The following FUT9 variants were observed in gnomAD, a reference collection of about 807,000 sequenced individuals.
FUT9 encodes the protein 4-galactosyl-N-acetylglucosaminide 3-alpha-L-fucosyltransferase 9.
In FUT9, 15 loss-of-function variants were observed where a neutral mutation model predicts 29.7. The ratio of observed to expected loss-of-function variants is 0.51; its 90% CI spans 0.34 to 0.78. The LOEUF is 0.78. Ranked by LOEUF, FUT9 falls within the 30% of genes least tolerant of loss-of-function variation. The pLI is 0.01. For synonymous variants in FUT9, 169 were observed against 153.7 expected, an observed-to-expected ratio of 1.10 and a Z score of -0.74; for missense variants, 319 against 425.4, an observed-to-expected ratio of 0.75 and a Z score of 2.20.
chr6:96,127,634 T>G (rs1008542182), intron 2 of FUT9, among the ~76,000 whole-genome samples: 2 of 152,180 alleles, frequency 1.3e-5, no homozygotes, highest in African/African-American at 4.8e-5. Context: ...ATGGCTGAAC[T>G]AATTTACATT....
intron 2 of FUT9, among the ~76,000 whole-genome samples, chr6:96,190,574 A>G (rs1378000049): frequency 1.3e-5 from 2 of 152,132 alleles, no homozygotes; most frequent in Admixed American, 6.6e-5. Context: ...CTTTCCACAT[A>G]GTCCCATATT....
rs1166251576 is a variant in FUT9, at chr6:96,208,865, C to T, written c.*4630C>T. 6.1e-6 allele frequency: 1 copy of T among 164,472 alleles called. No homozygotes were observed. Among genetic ancestry groups the T allele is most frequent in the East Asian group, 2.0e-4 (1 of 5,032 alleles). The allele number at this position is 164,472 out of a possible 1,614,324, so 10.2% of individuals were successfully genotyped here. ...AGAAATATAGTCTCTCTCCTAACTT[C>T]ATTCCATTGTATTGCAATCAGTCAA... is the stretch of plus-strand genomic sequence containing the variant. On this transcript the variant is annotated 3_prime_UTR_variant, in exon 3 of 3. Coordinates refer to ENST00000302103, the MANE Select transcript of FUT9 (RefSeq NM_006581.4).
In FUT9 at chr6:96,203,633, C is replaced by T. The variant is rs527639500; in HGVS notation, c.478C>T (p.Arg160Cys). Residue 160 changes from arginine (R) to cysteine (C), a missense_variant, in exon 3 of 3, where the codon CGT (arginine) becomes TGT (cysteine). Transcript: ENST00000302103. ...HLFNLTLTYR[R>C]DSDIQVPYGF... Reference sequence around the variant, plus strand: ...GTTTAACCTGACTCTGACTTACCGCCGTGATTCAGATATCCAAGTGCCTTA... The same window carrying T: ...GTTTAACCTGACTCTGACTTACCGCTGTGATTCAGATATCCAAGTGCCTTA... 1.2e-6 allele frequency: 2 copies of T among 1,613,976 alleles called. No individual in the cohort carries two copies. Among genetic ancestry groups the T allele is most frequent in the South Asian group, 1.1e-5 (1 of 91,072 alleles).
At chr6:96,166,294 A>C (rs992218451) in intron 2 of FUT9, among the ~76,000 whole-genome samples, 31 of 152,224 alleles carry the variant, frequency 2.0e-4, no homozygotes, top group Non-Finnish European at 7.3e-5. Flanking sequence ...AGACCTGAGA[A>C]GCATAGTAAT....
intron 1 of FUT9, among the ~76,000 whole-genome samples, chr6:96,100,939 T>G (rs931581051): frequency 3.9e-5 from 6 of 152,168 alleles, no homozygotes; most frequent in Non-Finnish European, 5.9e-5. Context: ...AGTGTTTGAA[T>G]GAAAATGGAA....
intron 2 of FUT9, among the ~76,000 whole-genome samples, chr6:96,152,852 A>G (rs898859300): frequency 9.8e-5 from 15 of 152,362 alleles, no homozygotes; most frequent in South Asian, 4.1e-4. Flanking sequence ...AAATGCATAT[A>G]TATTCAAAGC....
intron 2 of FUT9, among the ~76,000 whole-genome samples, chr6:96,151,878 G>T (rs565998279): frequency 6.6e-6 from 1 of 152,120 alleles, no homozygotes; most frequent in Non-Finnish European, 1.5e-5. Flanking sequence ...ACCATAAAAC[G>T]ATTTCTCAAG....
At chr6:96,201,314 C>A (rs1456612723) in intron 2 of FUT9, among the ~76,000 whole-genome samples, 2 of 151,784 alleles carry the variant, frequency 1.3e-5, no homozygotes, top group Non-Finnish European at 1.5e-5. Context: ...AAAATAGTTA[C>A]TTCAATTTTT....
Position 96,164,253 on chromosome 6 carries a change from C to CTTTTTTTTTTTTTT in FUT9, c.-8-38887_-8-38874dup, listed in dbSNP as rs57049980. Among the ~76,000 whole-genome samples, 2 of 105,786 alleles carry CTTTTTTTTTTTTTT rather than the reference C, an allele frequency of 1.9e-5. 1 individual carries two copies. 69.4% of individuals were successfully genotyped at this position (105,786 alleles called of 152,430 possible). On this transcript the variant is annotated intron_variant, in intron 2 of 2. Transcript: ENST00000302103. ...ATAAACAGTTTTGGAGATCCAGGTT[C>CTTTTTTTTTTTTTT]TTTTTTTTTTTTTTTTTTTTTGAGA...
At chr6:96,137,292 T>C (rs1772366043) in intron 2 of FUT9, among the ~76,000 whole-genome samples, 1 of 152,042 alleles carries the variant, frequency 6.6e-6, no homozygotes, top group Non-Finnish European at 1.5e-5. Context: ...AAAATAAATA[T>C]TGCAGTATTA....
chr6:96,031,413 G>C (rs1048141357), intron 1 of FUT9, among the ~76,000 whole-genome samples: 1 of 151,404 alleles, frequency 6.6e-6, no homozygotes, highest in African/African-American at 2.4e-5. Flanking sequence ...CTATAATTTA[G>C]AGAGGTTGCA....
chr6:96,175,781 C>G (rs1027777595), intron 2 of FUT9, among the ~76,000 whole-genome samples: 2 of 152,180 alleles, frequency 1.3e-5, no homozygotes, highest in African/African-American at 2.4e-5. Flanking sequence ...GCCATTCAGT[C>G]TGTAATGGTT....
chr6:96,139,632 C>G (rs1772424527), intron 2 of FUT9, among the ~76,000 whole-genome samples: 1 of 152,170 alleles, frequency 6.6e-6, no homozygotes, highest in Admixed American at 6.5e-5. Context: ...TTCCATACAT[C>G]CTCTGAAATC....
At chr6:96,024,118 G>T (rs908014528) in intron 1 of FUT9, among the ~76,000 whole-genome samples, 2 of 151,852 alleles carry the variant, frequency 1.3e-5, no homozygotes, top group Admixed American at 1.3e-4. Flanking sequence ...TGTGAACACT[G>T]CTTAAACTCC....
At chr6:96,165,975 TA>T (rs1773009115) in intron 2 of FUT9, among the ~76,000 whole-genome samples, 1 of 152,112 alleles carries the variant, frequency 6.6e-6, no homozygotes, top group South Asian at 2.1e-4. Context: ...AATTAGCTAC[TA>T]AAATTCTAGC....
chr6:96,049,025 T>A (rs2127937238), intron 1 of FUT9, among the ~76,000 whole-genome samples: 1 of 152,336 alleles, frequency 6.6e-6, no homozygotes, highest in East Asian at 1.9e-4. Flanking sequence ...AGTTTTGTTG[T>A]GAGTTCCTAC....
chr6:96,058,468 C>CAAAAAAAAAAAAA (rs3079049), intron 1 of FUT9, among the ~76,000 whole-genome samples: 119 of 77,154 alleles, frequency 1.5e-3, no homozygotes, highest in African/African-American at 6.7e-3. Context: ...GGCTTTATTC[C>CAAAAAAAAAAAAA]AAAAAAAAAA....
chr6:96,203,689 C>G lies in FUT9; in HGVS notation c.534C>G (p.Phe178Leu). 6.2e-7 allele frequency: 1 copy of G among 1,613,956 alleles called. No homozygotes were observed. Among genetic ancestry groups the G allele is most frequent in the Non-Finnish European group, 8.5e-7 (1 of 1,179,958 alleles). ...YGFLTVSTNP[F>L]VFEVPSKEKL... ...TCTTGACGGTAAGCACAAATCCCTT[C>G]GTGTTTGAAGTGCCAAGCAAAGAGA... Residue 178 changes from phenylalanine to leucine, a missense_variant, in exon 3 of 3, where the codon TTC becomes TTG. Physicochemically the swap from Phe to Leu is conservative, Grantham distance 22. Transcript: ENST00000302103.
intron 1 of FUT9, among the ~76,000 whole-genome samples, chr6:96,058,487 G>T (rs1325877826): frequency 4.9e-5 from 2 of 40,534 alleles, no homozygotes; most frequent in Admixed American, 3.6e-4. Flanking sequence ...AAAAAAAAAA[G>T]CCAGAAAAAA....
Sources: gnomAD v4.1 joint callset for allele counts (sites outside exome capture counted in the v4.1 genomes callset) on GRCh38, gnomAD v4.1.1 for gene constraint, MANE v1.5 for transcripts, NCBI Gene and HGNC (gene_info 2026-07-23, HGNC 2026-07-21) for gene names.